Variants in CCSER2 observed in about 807,000 individuals in gnomAD.
The protein encoded by CCSER2 is coiled-coil serine rich protein 2.
A neutral mutation model predicts 92.3 loss-of-function variants in CCSER2; 46 were observed. The observed-to-expected ratio is 0.50, with a 90% CI of 0.39 to 0.64. CCSER2 has a LOEUF of 0.64. Ranked by LOEUF, CCSER2 falls within the 30% of genes least tolerant of loss-of-function variation. The pLI is 0.00. For missense variants in CCSER2, 1,244 were observed against 1,238.9 expected (o/e 1.00, Z -0.06); for synonymous variants, 433 against 431.4 (o/e 1.00, Z -0.04).
At chr10:84,355,996 G>C (rs1845148000) in intron 1 of CCSER2, among the ~76,000 whole-genome samples, 1 of 151,586 alleles carries the variant, frequency 6.6e-6, no homozygotes, top group Admixed American at 6.6e-5. Flanking sequence ...ACAGTTACTT[G>C]GGAGGCTGAG....
chr10:84,513,612 A>G lies in CCSER2; in HGVS notation c.2489A>G (p.Gln830Arg). Residue 830 changes from glutamine to arginine, a missense_variant, in exon 10 of 10, where the codon CAA becomes CGA. Coordinates refer to ENST00000372088, the MANE Select transcript of CCSER2 (RefSeq NM_001284240.2). ...GAAAGCTTTACACACGTCTTGCACC[A>G]AGAAAGCAACTATGGTTTGGAAGAG... Reference protein sequence around the residue: ...PEESFTHVLHQESNYGLEEQP... With the variant: ...PEESFTHVLHRESNYGLEEQP... 6.2e-7 allele frequency: 1 copy of G among 1,611,392 alleles called. No individual in the cohort carries two copies. The highest frequency in any genetic ancestry group is 8.5e-7 in the Non-Finnish European group (1 of 1,179,100).
At chr10:84,487,143 GT>G (rs1432956777) in intron 9 of CCSER2, among the ~76,000 whole-genome samples, 1 of 152,198 alleles carries the variant, frequency 6.6e-6, no homozygotes, top group East Asian at 1.9e-4. Flanking sequence ...TTTGGTTACT[GT>G]AGCCTTGTAG....
intron 3 of CCSER2, among the ~76,000 whole-genome samples, chr10:84,379,026 T>G (rs1846498331): frequency 6.6e-6 from 1 of 152,214 alleles, no homozygotes; most frequent in African/African-American, 2.4e-5. Flanking sequence ...TTTTCTGTCC[T>G]TTGAAAGAAT....
At chr10:84,491,380 G>A (rs1345629398) in intron 9 of CCSER2, among the ~76,000 whole-genome samples, 3 of 152,184 alleles carry the variant, frequency 2.0e-5, no homozygotes, top group African/African-American at 7.2e-5. Flanking sequence ...AGCTGAGGTG[G>A]GCTCCACCCA....
rs1564667385 is a variant in CCSER2 at position 84,441,734 on chromosome 10, A to ATTT, written c.2064+3028_2064+3029insTTT. ...GGGAATAAAGTAGAAGACTGGGAAA[A>ATTT]TGTTTTTTTTTTTTTTTTTTTTTTT... On this transcript the variant is annotated intron_variant, in intron 6 of 9. Transcript: ENST00000372088. Among the ~76,000 whole-genome samples, 120 of 106,438 alleles carry ATTT rather than the reference A, an allele frequency of 1.1e-3. 14 individuals carry two copies. Among genetic ancestry groups the ATTT allele is most frequent in the Non-Finnish European group, 1.7e-3 (91 of 54,112 alleles). The allele number at this position is 106,438 out of a possible 152,430, so 69.8% of individuals were successfully genotyped here.
intron 3 of CCSER2, among the ~76,000 whole-genome samples, chr10:84,417,366 T>C (rs551937594): frequency 7.0e-4 from 106 of 152,316 alleles, no homozygotes; most frequent in Non-Finnish European, 1.3e-3. Flanking sequence ...TAAAGACTTA[T>C]TTTATTATTT....
At chr10:84,496,453 T>A (rs1426824733) in intron 9 of CCSER2, among the ~76,000 whole-genome samples, 1 of 151,864 alleles carries the variant, frequency 6.6e-6, no homozygotes, top group African/African-American at 2.4e-5. Context: ...GCCCGGCTAA[T>A]TTTTTGTATT....
intron 9 of CCSER2, among the ~76,000 whole-genome samples, chr10:84,501,061 C>A (rs1266194869): frequency 6.6e-6 from 1 of 152,034 alleles, no homozygotes; most frequent in East Asian, 1.9e-4. Flanking sequence ...GTAGCAAGTT[C>A]GTTTGTTTAC....
chr10:84,330,204 TC>T (rs754417241), intron 1 of CCSER2, among the ~76,000 whole-genome samples: 9 of 152,226 alleles, frequency 5.9e-5, no homozygotes, highest in Non-Finnish European at 1.2e-4. Flanking sequence ...AAATTCAAAG[TC>T]CTTCATGATT....
intron 1 of CCSER2, among the ~76,000 whole-genome samples, chr10:84,367,781 T>G (rs181251060): frequency 9.9e-4 from 150 of 152,184 alleles, no homozygotes; most frequent in Non-Finnish European, 1.5e-3. Context: ...TTCTTTTCAA[T>G]TTACCTGTTT....
intron 9 of CCSER2, among the ~76,000 whole-genome samples, chr10:84,494,437 C>T (rs1848336888): frequency 6.6e-6 from 1 of 152,118 alleles, no homozygotes; most frequent in African/African-American, 2.4e-5. Context: ...TAATGCCAAC[C>T]TTCTCATCCA....
chr10:84,513,799 C>T lies in CCSER2; in HGVS notation c.2676C>T (p.Pro892=), dbSNP rs1375182728. The T allele has an allele frequency of 7.2e-6, 11 of 1,536,260 alleles. No homozygotes were observed. The highest frequency in any genetic ancestry group is 4.9e-5 in the East Asian group (2 of 40,920). The change falls in exon 10 of 10, where the codon CCC becomes CCT. Residue 892 remains proline (P), a synonymous_variant. Coordinates refer to ENST00000372088, the MANE Select transcript of CCSER2 (RefSeq NM_001284240.2). The part of the protein sequence containing the change: ...QFIPTSLQTP[P]ESSTVDQAKR... ...TACCCACTTCTCTTCAGACACCTCC[C>T]GAGTCAAGTACAGTAGACCAGGCTA...
chr10:84,405,994 T>C (rs1269806369), intron 3 of CCSER2, among the ~76,000 whole-genome samples: 1 of 152,152 alleles, frequency 6.6e-6, no homozygotes, highest in Non-Finnish European at 1.5e-5. Context: ...AAGTTGTACA[T>C]GCATGCTTAT....
At chr10:84,458,497 T>G (rs1845907208) in intron 6 of CCSER2, among the ~76,000 whole-genome samples, 1 of 152,214 alleles carries the variant, frequency 6.6e-6, no homozygotes, top group Non-Finnish European at 1.5e-5. Flanking sequence ...CAGAATTGTT[T>G]GACTATTTTA....
At chr10:84,352,672 ACT>A (rs1180417352) in intron 1 of CCSER2, among the ~76,000 whole-genome samples, 28 of 150,764 alleles carry the variant, frequency 1.9e-4, no homozygotes, top group African/African-American at 6.3e-4. Flanking sequence ...CTGATTCCTG[ACT>A]CTCTATGTGA....
chr10:84,506,445 A>C (rs1222301510), intron 9 of CCSER2, among the ~76,000 whole-genome samples: 1 of 152,168 alleles, frequency 6.6e-6, no homozygotes, highest in Non-Finnish European at 1.5e-5. Context: ...CTCACTTATA[A>C]TTTGCATCAT....
rs778563233 is a variant in CCSER2, at chr10:84,371,433, A to G, written c.381A>G (p.Pro127=). Residue 127 remains proline (P), a synonymous_variant, in exon 2 of 10, where the codon CCA becomes CCG. Transcript: ENST00000372088. The stretch of plus-strand genomic sequence containing the variant: ...TATTCACATCAAAGTTAGCAAAGCC[A>G]TCCACTATGTTTGTGTCATCTACAG... ...VSLFTSKLAK[P]STMFVSSTEE... The G allele has an allele frequency of 1.8e-5, 29 of 1,613,572 alleles. No individual in the cohort carries two copies. Among genetic ancestry groups the G allele is most frequent in the Non-Finnish European group, 2.5e-5 (29 of 1,179,814 alleles).
intron 4 of CCSER2, among the ~76,000 whole-genome samples, chr10:84,420,071 A>AT (rs1843064772): frequency 6.6e-6 from 1 of 152,210 alleles, no homozygotes; most frequent in Non-Finnish European, 1.5e-5. Context: ...TAGGTAATGC[A>AT]TTTTACTTTG....
At chr10:84,456,742 G>A (rs1385548837) in intron 6 of CCSER2, among the ~76,000 whole-genome samples, 3 of 152,050 alleles carry the variant, frequency 2.0e-5, no homozygotes, top group Non-Finnish European at 4.4e-5. Flanking sequence ...ATTCTTGCTG[G>A]CACTTGGTAT....
Sources: gnomAD v4.1 joint callset for allele counts (sites outside exome capture counted in the v4.1 genomes callset) on GRCh38, gnomAD v4.1.1 for gene constraint, MANE v1.5 for transcripts, NCBI Gene and HGNC (gene_info 2026-07-23, HGNC 2026-07-21) for gene names.